The following RINT1 variants were observed in gnomAD, a reference collection of about 807,000 sequenced individuals.
RINT1 encodes the protein RAD50-interacting protein 1.
In RINT1, 75 loss-of-function variants were observed where a neutral mutation model predicts 97.7. The ratio of observed to expected loss-of-function variants is 0.77; its 90% CI spans 0.64 to 0.93. RINT1 has a LOEUF of 0.93. RINT1 is among the 40% of genes least tolerant of loss of function. The pLI, the probability that RINT1 is intolerant of heterozygous loss-of-function variation, is 0.00. For synonymous variants in RINT1, 303 were observed against 326.3 expected (o/e 0.93, Z 0.77); for missense variants, 892 against 925.2 (o/e 0.96, Z 0.47).
At chr7:105,541,198 G>A (rs551194627) in intron 3 of RINT1, among the ~76,000 whole-genome samples, 5 of 151,336 alleles carry the variant, frequency 3.3e-5, no homozygotes, top group South Asian at 2.1e-4. Flanking sequence ...GATGGAGTGC[G>A]GTGGTGCAGT....
intron 12 of RINT1, 82 bp downstream of exon 12, chr7:105,564,029 G>C (rs1241178858): frequency 1.0e-6 from 1 of 964,624 alleles, no homozygotes; most frequent in South Asian, 1.5e-5. Context: ...AAGGTGTCTA[G>C]ATAGAACCCG....
intron 6 of RINT1, 82 bp downstream of exon 6, chr7:105,547,415 A>C (rs1227334838): frequency 7.0e-7 from 1 of 1,425,356 alleles, no homozygotes; most frequent in East Asian, 2.3e-5. Context: ...ACTTTTTCAA[A>C]GTGGCCAAGA....
Position 105,550,061 on chromosome 7 carries a change from T to G in RINT1, c.1003T>G (p.Trp335Gly). Residue 335 changes from tryptophan (W) to glycine (G), a missense_variant, in exon 8 of 15, where the codon TGG becomes GGG. By Grantham distance (184) the Trp-to-Gly change is radical (BLOSUM62 -2). Transcript: ENST00000257700. ...TATTTTCCTCCTTCCTTAGCCAGAA[T>G]GGTACTTGGCTCAAGTACTTATGTG... ...RQTNVLSKPE[W>G]YLAQVLMWIG... The G allele has an allele frequency of 6.3e-7, 1 of 1,595,348 alleles. No individual in the cohort carries two copies. The highest frequency in any genetic ancestry group is 1.1e-5 in the South Asian group (1 of 88,664).
rs569824768 is a variant in RINT1 at position 105,562,593 on chromosome 7, A to G, written c.1672-1140A>G. 4.6e-4 allele frequency among the ~76,000 whole-genome samples: 70 copies of G among 152,296 alleles called. 1 individual carries two copies. Among genetic ancestry groups the G allele is most frequent in the Non-Finnish European group, 5.0e-4 (34 of 68,028 alleles). On this transcript the variant is annotated intron_variant, in intron 11 of 14. Coordinates refer to ENST00000257700, the MANE Select transcript of RINT1 (RefSeq NM_021930.6). ...CAGTACATACCAAGAGAAATGAAAC[A>G]TATGTCCACATAAAAACTTGTACTG...
chr7:105,564,798 C>T (rs1336812754), intron 12 of RINT1, among the ~76,000 whole-genome samples: 2 of 151,966 alleles, frequency 1.3e-5, no homozygotes, highest in Non-Finnish European at 2.9e-5. Flanking sequence ...GGCAGCAATT[C>T]GAAACTAGCC....
Position 105,537,704 on chromosome 7 carries a change from C to T in RINT1, c.273+955C>T, listed in dbSNP as rs555633569. Among the ~76,000 whole-genome samples, 413 of 151,444 alleles carry T rather than the reference C, an allele frequency of 2.7e-3. 1 individual carries two copies. The highest frequency in any genetic ancestry group is 3.5e-3 in the Non-Finnish European group (238 of 67,840). On this transcript the variant is annotated intron_variant, in intron 3 of 14. Coordinates refer to ENST00000257700, the MANE Select transcript of RINT1 (RefSeq NM_021930.6). ...AAAAAAAATTAGCCAGGTGTGGTGG[C>T]GGGCACCTGTAATCCCAGCTACTCG...
intron 4 of RINT1, among the ~76,000 whole-genome samples, chr7:105,545,764 C>T (rs573854421): frequency 3.3e-5 from 5 of 150,600 alleles, no homozygotes; most frequent in South Asian, 2.1e-4. Context: ...TCCTGACCTC[C>T]GGTGATCCAC....
rs1179814814 is a variant in RINT1 at position 105,548,788 on chromosome 7, T to A, written c.996+78T>A. ...TTTCTATACCTTTGCTGGTTTAAGT[T>A]AAAATCTGACTCTCTTCACATTTCT... On this transcript the variant is annotated intron_variant, in intron 7 of 14. Transcript: ENST00000257700. The A allele has an allele frequency of 8.8e-6, 12 of 1,361,736 alleles. No individual in the cohort carries two copies. The East Asian group carries it at 2.8e-4, about 32-fold the overall frequency. The allele number at this position is 1,361,736 out of a possible 1,614,324, so 84.4% of individuals were successfully genotyped here. A position where few individuals can be genotyped will look rare whatever the true frequency, so the allele number is the denominator to read the frequency against.
In RINT1 at chr7:105,542,548, G is replaced by A. The variant is rs7805216; in HGVS notation, c.414G>A (p.Ala138=). The change falls in exon 4 of 15, where the codon GCG becomes GCA. Residue 138 remains alanine (A), a synonymous_variant. Transcript: ENST00000257700. The part of the protein sequence containing the change: ...FSAINSHLLT[A]QPWMDDLGTM... ...CCATTAACAGCCATTTGCTGACTGC[G>A]CAACCTTGGATGGACGATCTTGGAA... The A allele has an allele frequency of 9.8e-3, 15,754 of 1,614,042 alleles. 1,307 individuals are homozygous for A. In the African/African-American group the frequency reaches 0.18, roughly 18 times the overall value.
chr7:105,532,442 C>A, intron 1 of RINT1, 85 bp downstream of exon 1: 2 of 1,431,152 alleles, frequency 1.4e-6, no homozygotes, highest in Non-Finnish European at 1.9e-6. Flanking sequence ...AGTCCCGGTG[C>A]GGTGGCCCTG....
At position 105,567,123 on chromosome 7, in the gene RINT1, A is replaced by G. The variant is rs750240250; in HGVS notation, c.2191A>G (p.Lys731Glu). Reference sequence around the variant, plus strand: ...TCCTTTGTTTTCCCTAAACAGTATAAAAGAAGCCTGTATTGTTTTGAATTT... The same window carrying G: ...TCCTTTGTTTTCCCTAAACAGTATAGAAGAAGCCTGTATTGTTTTGAATTT... ...KRPENYFKHI[K>E]EACIVLNLNV... The change falls in exon 15 of 15, where the codon AAA becomes GAA. Residue 731 changes from lysine (K) to glutamate (E), a missense_variant. Lys to Glu is a moderately conservative substitution (Grantham distance 56). Transcript: ENST00000257700. The G allele has an allele frequency of 6.4e-7, 1 of 1,557,956 alleles. No homozygotes were observed. The highest frequency in any genetic ancestry group is 8.6e-7 in the Non-Finnish European group (1 of 1,157,462).
At position 105,555,021 on chromosome 7, in the gene RINT1, T is replaced by C. The variant is rs1466764603; in HGVS notation, c.1472-7T>C. On this transcript the variant is annotated splice_polypyrimidine_tract_variant and splice_region_variant and intron_variant, in intron 10 of 14. Transcript: ENST00000257700. ...ACCTTCATATGTCTTAATAACTTTTTCCACAGACAGGTATAAAAATCTTCC... is the reference window on the plus strand; with the variant it reads ...ACCTTCATATGTCTTAATAACTTTTCCCACAGACAGGTATAAAAATCTTCC... The C allele has an allele frequency of 9.3e-6, 15 of 1,611,454 alleles. No individual in the cohort carries two copies. The highest frequency in any genetic ancestry group is 1.2e-5 in the Non-Finnish European group (14 of 1,179,000).
rs1211938738 is a variant in RINT1, at chr7:105,547,167, T to C, written c.690-17T>C. 6.2e-7 allele frequency: 1 copy of C among 1,614,092 alleles called. No individual in the cohort carries two copies. Among genetic ancestry groups the C allele is most frequent in the East Asian group, 2.2e-5 (1 of 44,884 alleles). ...TTGGTGATGTACTGAAATGTATGTG[T>C]TACTTTTCCATTGCAGTGATTTTGA... On this transcript the variant is annotated splice_polypyrimidine_tract_variant and intron_variant, in intron 5 of 14. Transcript: ENST00000257700.
intron 4 of RINT1, among the ~76,000 whole-genome samples, chr7:105,542,891 G>GTC (rs548416720): frequency 3.5e-4 from 52 of 147,520 alleles, no homozygotes; most frequent in African/African-American, 3.9e-4. Flanking sequence ...AAACTTTTAA[G>GTC]TTTTTTTTTT....
Position 105,547,117 on chromosome 7 carries a change from T to C in RINT1, c.689+34T>C, listed in dbSNP as rs751982327. On this transcript the variant is annotated intron_variant, in intron 5 of 14. Transcript: ENST00000257700. ...TTTACCCATATTTTGTGGTAATTGCTTTCCGATGGGTATTTGGTGATCATT... is the reference window on the plus strand; with the variant it reads ...TTTACCCATATTTTGTGGTAATTGCCTTCCGATGGGTATTTGGTGATCATT... 1.9e-6 allele frequency: 3 copies of C among 1,612,928 alleles called. No individual in the cohort carries two copies. The African/African-American group carries it at 4.0e-5, about 22-fold the overall frequency.
chr7:105,550,400 A>G lies in RINT1; in HGVS notation c.1247A>G (p.His416Arg). Reference sequence around the variant, plus strand: ...TTTGAAAGGGAGCTACACAGTGTTCATGGCTATCCTGGCACTTTTGCTAGT... The same window carrying G: ...TTTGAAAGGGAGCTACACAGTGTTCGTGGCTATCCTGGCACTTTTGCTAGT... ...LLFERELHSV[H>R]GYPGTFASCM... Residue 416 changes from histidine (H) to arginine (R), a missense_variant, in exon 9 of 15, where the codon CAT (histidine) becomes CGT (arginine). Coordinates refer to ENST00000257700, the MANE Select transcript of RINT1 (RefSeq NM_021930.6). 6.2e-7 allele frequency: 1 copy of G among 1,614,166 alleles called. No individual in the cohort carries two copies. The highest frequency in any genetic ancestry group is 8.5e-7 in the Non-Finnish European group (1 of 1,180,014).
rs756056776 is a variant in RINT1, at chr7:105,547,128, TATTTGGTGATC to T, written c.690-45_690-35del. ...TTTGTGGTAATTGCTTTCCGATGGG[TATTTGGTGATC>T]ATTTGGTGATGTACTGAAATGTATG... On this transcript the variant is annotated intron_variant, in intron 5 of 14. Coordinates refer to ENST00000257700, the MANE Select transcript of RINT1 (RefSeq NM_021930.6). 4.1e-5 allele frequency: 66 copies of T among 1,613,354 alleles called. No individual in the cohort carries two copies. The African/African-American group carries it at 7.5e-4, about 18-fold the overall frequency.
intron 2 of RINT1, among the ~76,000 whole-genome samples, chr7:105,534,547 G>A (rs1790153038): frequency 1.3e-5 from 2 of 149,468 alleles, no homozygotes; most frequent in African/African-American, 2.4e-5. Context: ...ATTATTATAC[G>A]TTAATATTAT....
At chr7:105,564,137 G>C (rs1202838665) in intron 12 of RINT1, among the ~76,000 whole-genome samples, 190 bp downstream of exon 12, 1 of 152,094 alleles carries the variant, frequency 6.6e-6, no homozygotes, top group Non-Finnish European at 1.5e-5. Context: ...ACCCAGGCTG[G>C]AGTGCAGTTG....
Sources: allele counts gnomAD v4.1 joint callset (sites outside exome capture counted in the v4.1 genomes callset), GRCh38; gene constraint gnomAD v4.1.1; transcripts MANE v1.5; gene names NCBI Gene and HGNC (gene_info 2026-07-23, HGNC 2026-07-21).